The following ARHGAP22 variants were observed in gnomAD, a reference collection of about 807,000 sequenced individuals.
ARHGAP22 encodes the protein rho GTPase-activating protein 22.
In ARHGAP22, 48 loss-of-function variants were observed where a neutral mutation model predicts 59.1. The observed-to-expected ratio is 0.81, with a 90% CI of 0.64 to 1.03. The LOEUF (loss-of-function observed/expected upper bound fraction) is 1.03. Ranked by LOEUF, ARHGAP22 falls within the 50% of genes least tolerant of loss-of-function variation. The pLI is 0.00. For synonymous variants in ARHGAP22, 445 were observed against 416.4 expected (o/e 1.07, Z -0.84); for missense variants, 1,015 against 958.7 (o/e 1.06, Z -0.78).
At chr10:48,456,864 T>G (rs1250240615) in intron 5 of ARHGAP22, among the ~76,000 whole-genome samples, 2 of 138,112 alleles carry the variant, frequency 1.4e-5, no homozygotes, top group Non-Finnish European at 3.1e-5. Context: ...CTCCAACAGC[T>G]GTCACCAGGC....
chr10:48,534,114 G>A (rs550761442), intron 3 of ARHGAP22, among the ~76,000 whole-genome samples: 4 of 152,324 alleles, frequency 2.6e-5, no homozygotes, highest in South Asian at 2.1e-4. Context: ...TAGAAGTGCC[G>A]GCCAGCCAGG....
chr10:48,585,166 T>C (rs946724995), intron 1 of ARHGAP22, among the ~76,000 whole-genome samples: 3 of 152,202 alleles, frequency 2.0e-5, no homozygotes, highest in Non-Finnish European at 4.4e-5. Flanking sequence ...CTAGACTTGC[T>C]GGCTCCTTGC....
intron 3 of ARHGAP22, among the ~76,000 whole-genome samples, chr10:48,492,991 A>T (rs1187761621): frequency 2.6e-5 from 4 of 152,224 alleles, no homozygotes; most frequent in African/African-American, 9.6e-5. Flanking sequence ...TATTTGTACA[A>T]AGTCTTAAAA....
At chr10:48,488,671 C>T (rs545394434) in intron 3 of ARHGAP22, among the ~76,000 whole-genome samples, 5 of 152,304 alleles carry the variant, frequency 3.3e-5, no homozygotes, top group South Asian at 2.1e-4. Context: ...TTAGGTTTTA[C>T]GGTCTTGCAG....
chr10:48,508,594 G>A (rs1321292446), intron 3 of ARHGAP22, among the ~76,000 whole-genome samples: 1 of 152,150 alleles, frequency 6.6e-6, no homozygotes, highest in Non-Finnish European at 1.5e-5. Context: ...GGATCCATGG[G>A]AAAAGACAAA....
At chr10:48,631,387 T>C (rs1340658736) in intron 1 of ARHGAP22, among the ~76,000 whole-genome samples, 4 of 152,226 alleles carry the variant, frequency 2.6e-5, no homozygotes, top group Non-Finnish European at 5.9e-5. Context: ...ATCTAATTTC[T>C]TCCTTAAGTG....
intron 4 of ARHGAP22, among the ~76,000 whole-genome samples, chr10:48,473,068 C>A (rs1384973578): frequency 6.6e-6 from 1 of 152,094 alleles, no homozygotes; most frequent in Non-Finnish European, 1.5e-5. Flanking sequence ...GCATTATTCA[C>A]AATAGTTGAA....
chr10:48,476,708 G>A (rs1164210688), intron 4 of ARHGAP22, among the ~76,000 whole-genome samples: 2 of 152,254 alleles, frequency 1.3e-5, no homozygotes, highest in East Asian at 1.9e-4. Flanking sequence ...ATAAATGCCA[G>A]GCCTGGGGAA....
intron 2 of ARHGAP22, among the ~76,000 whole-genome samples, chr10:48,577,844 G>T (rs79785143): frequency 8.6e-6 from 1 of 116,870 alleles, no homozygotes. Context: ...ACAGAGTCTC[G>T]CTCTGCTGCC....
intron 2 of ARHGAP22, among the ~76,000 whole-genome samples, chr10:48,560,832 A>T (rs2057640077): frequency 6.6e-6 from 1 of 152,086 alleles, no homozygotes; most frequent in African/African-American, 2.4e-5. Flanking sequence ...TCAACCTTGG[A>T]CTTTTGGGAT....
At chr10:48,584,580 C>T (rs890484970) in intron 1 of ARHGAP22, among the ~76,000 whole-genome samples, 13 of 152,328 alleles carry the variant, frequency 8.5e-5, no homozygotes, top group South Asian at 2.1e-4. Flanking sequence ...CTTCTACATG[C>T]GTGTCCTCGT....
chr10:48,611,643 C>A (rs986999784), intron 1 of ARHGAP22, among the ~76,000 whole-genome samples: 1 of 152,130 alleles, frequency 6.6e-6, no homozygotes, highest in Non-Finnish European at 1.5e-5. Flanking sequence ...AAAATAGCTG[C>A]TTGTTGAACA....
At chr10:48,653,624 A>T (rs1589348025), upstream of ARHGAP22, among the ~76,000 whole-genome samples, 1 of 152,356 alleles carries the variant, frequency 6.6e-6, no homozygotes. Flanking sequence ...CAAGGGCCAA[A>T]ACCCAAGGTG....
intron 4 of ARHGAP22, among the ~76,000 whole-genome samples, chr10:48,475,832 A>G (rs549441316): frequency 6.6e-6 from 1 of 152,264 alleles, no homozygotes; most frequent in South Asian, 2.1e-4. Flanking sequence ...ATTCCATGCC[A>G]TGAGGTGCTA....
intron 4 of ARHGAP22, among the ~76,000 whole-genome samples, chr10:48,464,576 G>A (rs2047469959): frequency 6.6e-6 from 1 of 152,232 alleles, no homozygotes; most frequent in African/African-American, 2.4e-5. Flanking sequence ...AGGGGTGAAG[G>A]AGCATGGTTG....
chr10:48,535,463 G>T (rs2055254813), intron 3 of ARHGAP22, among the ~76,000 whole-genome samples: 1 of 152,212 alleles, frequency 6.6e-6, no homozygotes, highest in African/African-American at 2.4e-5. Flanking sequence ...TTTCTCAAGG[G>T]ATTTTAGGAG....
chr10:48,604,885 T>C lies in ARHGAP22; in HGVS notation c.-89A>G, dbSNP rs1457972137. On this transcript the variant is annotated 5_prime_UTR_variant, in exon 1 of 10. It removes an upstream start codon present in the reference 5' UTR. Transcript: ENST00000249601. ...CGTCCTCGCGCCTAGTCGCCCCTCA[T>C]GTCCTGCTCGTTCGGGGCCCCGTGG... The C allele has an allele frequency of 3.7e-6, 6 of 1,600,842 alleles. No individual in the cohort carries two copies. Among genetic ancestry groups the C allele is most frequent in the Non-Finnish European group, 5.1e-6 (6 of 1,174,220 alleles).
intron 4 of ARHGAP22, among the ~76,000 whole-genome samples, chr10:48,470,899 T>C (rs1217082798): frequency 6.6e-6 from 1 of 152,266 alleles, no homozygotes; most frequent in Non-Finnish European, 1.5e-5. Context: ...CCTTGGGCTC[T>C]ACCACTGGCA....
rs768438348 is a variant in ARHGAP22 at position 48,450,437 on chromosome 10, C to T, written c.1692G>A (p.Leu564=). 1.3e-6 allele frequency: 2 copies of T among 1,562,224 alleles called. No individual in the cohort carries two copies. Among genetic ancestry groups the T allele is most frequent in the African/African-American group, 1.4e-5 (1 of 73,692 alleles). ...CCTCGTCCATGCTGTGGTCCAGGTC[C>T]AGGGACTTGGGGTCCTCGCTGCTGC... ...LPSSSEDPKS[L]DLDHSMDEAG... is the part of the protein sequence containing the mutation. Residue 564 remains leucine, a synonymous_variant, in exon 9 of 10, where the codon CTG becomes CTA. Coordinates refer to ENST00000249601, the MANE Select transcript of ARHGAP22 (RefSeq NM_021226.4).
Sources: allele counts gnomAD v4.1 joint callset (sites outside exome capture counted in the v4.1 genomes callset), GRCh38; gene constraint gnomAD v4.1.1; transcripts MANE v1.5; gene names NCBI Gene and HGNC (gene_info 2026-07-23, HGNC 2026-07-21).